TAF9B: variants seen among roughly 807,000 people sequenced by gnomAD.
TAF9B encodes the protein transcription initiation factor TFIID subunit 9B.
TAF9B carries 47 observed loss-of-function variants against 17.6 expected under a neutral mutation model. That is an observed-to-expected ratio of 2.68 (90% CI 2.12 to 3.41). The LOEUF is 3.41. Ranked by LOEUF, TAF9B falls within the 30% of genes most tolerant of loss-of-function variation. The pLI, the probability that TAF9B is intolerant of heterozygous loss-of-function variation, is 0.00. For missense variants in TAF9B, 218 were observed against 189.3 expected, an observed-to-expected ratio of 1.15 and a Z score of -0.89; for synonymous variants, 84 against 68.7, an observed-to-expected ratio of 1.22 and a Z score of -1.10.
chrX:78,138,240 T>C, intron 2 of TAF9B, 142 bp from the exon 3 acceptor site: 1 of 671,949 alleles, frequency 1.5e-6, no homozygotes, highest in Non-Finnish European at 2.2e-6. Flanking sequence ...CTCGCTATGT[T>C]GCCCAGGAAA....
chrX:78,137,818 T>G lies in TAF9B; in HGVS notation c.336A>C (p.Gly112=). 2.5e-6 allele frequency: 3 copies of G among 1,209,954 alleles called. No homozygotes were observed. Among genetic ancestry groups the G allele is most frequent in the Non-Finnish European group, 3.4e-6 (3 of 894,511 alleles). The part of the protein sequence containing the change: ...TPLPLIKPYA[G]PRLPPDRYCL... ...AGTATCTATCAGGTGGCAGTCTAGGTCCTGCATATGGCTTAATCAGTGGCA... is the reference window on the plus strand; with the variant it reads ...AGTATCTATCAGGTGGCAGTCTAGGGCCTGCATATGGCTTAATCAGTGGCA... The change falls in exon 4 of 7, where the codon GGA becomes GGC. Residue 112 remains glycine (G), a synonymous_variant. Coordinates refer to ENST00000341864, the MANE Select transcript of TAF9B (RefSeq NM_015975.5).
intron 5 of TAF9B, among the ~76,000 whole-genome samples, chrX:78,134,698 C>T (rs1457925614): frequency 8.9e-6 from 1 of 111,843 alleles, no homozygotes; most frequent in Non-Finnish European, 1.9e-5. Context: ...ATCTCCATCC[C>T]TAGGTAAGTT....
At position 78,129,807 on chromosome X, in the gene TAF9B, A is replaced by G. The variant is rs1186423358; in HGVS notation, c.*1803T>C. On this transcript the variant is annotated 3_prime_UTR_variant, in exon 7 of 7. Transcript: ENST00000341864. Reference sequence around the variant, plus strand: ...CAATAATTCCTTACAGTCATATAGCATTTTACAATTCTGAAAGAATTTTCA... The same window carrying G: ...CAATAATTCCTTACAGTCATATAGCGTTTTACAATTCTGAAAGAATTTTCA... 2 of 112,228 alleles carry G rather than the reference A, an allele frequency of 1.8e-5. No homozygotes were observed. Among genetic ancestry groups the G allele is most frequent in the African/African-American group, 6.5e-5 (2 of 30,797 alleles). 9.2% of individuals were successfully genotyped at this position (112,228 alleles called of 1,213,427 possible).
chrX:78,131,420 T>C lies in TAF9B; in HGVS notation c.*190A>G, dbSNP rs1284049866. ...ATTAAGAAACAAGTACTTAACTGTT[T>C]GTAATTGAAGCCTACTGAAAAACAC... is the stretch of plus-strand genomic sequence containing the variant. On this transcript the variant is annotated 3_prime_UTR_variant, in exon 7 of 7. Coordinates refer to ENST00000341864, the MANE Select transcript of TAF9B (RefSeq NM_015975.5). 2.9e-6 allele frequency: 1 copy of C among 346,609 alleles called. No homozygotes were observed. The highest frequency in any genetic ancestry group is 5.0e-6 in the Non-Finnish European group (1 of 201,042). The allele number at this position is 346,609 out of a possible 1,213,427, so 28.6% of individuals were successfully genotyped here. A position where few individuals can be genotyped will look rare whatever the true frequency, so the allele number is the denominator to read the frequency against.
Position 78,133,541 on chromosome X carries a change from G to A in TAF9B, c.482-93C>T, listed in dbSNP as rs2078423011. 18 of 614,981 alleles carry A rather than the reference G, an allele frequency of 2.9e-5. No individual in the cohort carries two copies. The East Asian group carries it at 3.1e-4, about 11-fold the overall frequency. The allele number at this position is 614,981 out of a possible 1,213,427, so 50.7% of individuals were successfully genotyped here. A position where few individuals can be genotyped will look rare whatever the true frequency, so the allele number is the denominator to read the frequency against. On this transcript the variant is annotated intron_variant, in intron 5 of 6. Transcript: ENST00000341864. ...TACCGCAAACTATCTTCAAAGCAAA[G>A]GAAACTAATAAAAGGTGAGGAAAAA...
chrX:78,139,478 C>T (rs1557250490), intron 1 of TAF9B, 83 bp downstream of exon 1: 1 of 1,174,003 alleles, frequency 8.5e-7, no homozygotes, highest in South Asian at 1.9e-5. Flanking sequence ...GCGAGCCGAC[C>T]CTCAGGCCCT....
chrX:78,136,933 G>A lies in TAF9B; in HGVS notation c.463C>T (p.Pro155Ser), dbSNP rs782262102. Residue 155 changes from proline to serine, a missense_variant, in exon 5 of 7, where the codon CCT becomes TCT. By Grantham distance (74) the Pro-to-Ser change is moderately conservative. Transcript: ENST00000341864. Reference sequence around the variant, plus strand: ...CACTTACCTATAGTAGGAGTAGTAGGTTTGCTACTAACAGCACCAACACTT... The same window carrying A: ...CACTTACCTATAGTAGGAGTAGTAGATTTGCTACTAACAGCACCAACACTT... The part of the protein sequence containing the change: ...RLSVGAVSSK[P>S]TTPTIATPQT... 2.7e-5 allele frequency: 32 copies of A among 1,203,177 alleles called. No homozygotes were observed. The highest frequency in any genetic ancestry group is 3.6e-5 in the Non-Finnish European group (32 of 889,573).
chrX:78,131,783 G>C lies in TAF9B; in HGVS notation c.593-10C>G, dbSNP rs372632113. ...GCAGTTGTTGCAGGAACTGTAAACA[G>C]AGAAGAAAGCCCCCCCAAAACCAAG... On this transcript the variant is annotated splice_polypyrimidine_tract_variant and intron_variant, in intron 6 of 6. Coordinates refer to ENST00000341864, the MANE Select transcript of TAF9B (RefSeq NM_015975.5). 8.4e-7 allele frequency: 1 copy of C among 1,196,257 alleles called. No individual in the cohort carries two copies. Among genetic ancestry groups the C allele is most frequent in the Non-Finnish European group, 1.1e-6 (1 of 888,032 alleles).
In TAF9B at chrX:78,130,155, TTC is replaced by T. The variant is rs1444101475; in HGVS notation, c.*1453_*1454del. 1.8e-5 allele frequency: 2 copies of T among 112,763 alleles called. No homozygotes were observed. Among genetic ancestry groups the T allele is most frequent in the African/African-American group, 6.5e-5 (2 of 30,960 alleles). The allele number at this position is 112,763 out of a possible 1,213,427, so 9.3% of individuals were successfully genotyped here. A position where few individuals can be genotyped will look rare whatever the true frequency, so the allele number is the denominator to read the frequency against. ...TGATACGAGACATTTGAGACATTTCTTCTCTGTTACTGGACTTTCTTAGATAT... is the reference window on the plus strand; with the variant it reads ...TGATACGAGACATTTGAGACATTTCTTCTGTTACTGGACTTTCTTAGATAT... On this transcript the variant is annotated 3_prime_UTR_variant, in exon 7 of 7. Coordinates refer to ENST00000341864, the MANE Select transcript of TAF9B (RefSeq NM_015975.5).
At position 78,133,355 on chromosome X, in the gene TAF9B, G is replaced by T. The variant is rs1557249720; in HGVS notation, c.575C>A (p.Ser192Tyr). The T allele has an allele frequency of 7.4e-6, 9 of 1,208,913 alleles. No homozygotes were observed. The highest frequency in any genetic ancestry group is 5.9e-5 in the East Asian group (2 of 33,816). The change falls in exon 6 of 7, where the codon TCC becomes TAC. Residue 192 changes from serine (S) to tyrosine (Y), a missense_variant. Coordinates refer to ENST00000341864, the MANE Select transcript of TAF9B (RefSeq NM_015975.5). ...RFTVQIPPSQ[S>Y]TPVKPVPATT... ...CACATTACCTGGTTTGACAGGTGTG[G>T]ACTGAGAAGGTGGAATCTGCACCGT...
chrX:78,136,901 C>T lies in TAF9B; in HGVS notation c.481+14G>A. 8.5e-7 allele frequency: 1 copy of T among 1,173,265 alleles called. No individual in the cohort carries two copies. Among genetic ancestry groups the T allele is most frequent in the Non-Finnish European group, 1.2e-6 (1 of 862,662 alleles). ...CTTTACCAGCCAGAAATGCCATTGT[C>T]TCCTCTCACTTACCTATAGTAGGAG... is the stretch of plus-strand genomic sequence containing the variant. On this transcript the variant is annotated intron_variant, in intron 5 of 6. Coordinates refer to ENST00000341864, the MANE Select transcript of TAF9B (RefSeq NM_015975.5).
chrX:78,133,219 G>A, intron 6 of TAF9B, 119 bp downstream of exon 6: 1 of 553,632 alleles, frequency 1.8e-6, no homozygotes, highest in Non-Finnish European at 3.0e-6. Flanking sequence ...CTCATTTGCA[G>A]CATTACTGCC....
intron 6 of TAF9B, among the ~76,000 whole-genome samples, chrX:78,132,996 ATGT>A (rs1179974089): frequency 1.8e-5 from 2 of 111,918 alleles, no homozygotes; most frequent in Admixed American, 9.5e-5. Context: ...TTATTACAGT[ATGT>A]TGTTGTAATT....
chrX:78,139,110 CTTTTAT>C (rs1218686874), intron 1 of TAF9B, among the ~76,000 whole-genome samples, 186 bp from the exon 2 acceptor site: 1 of 110,965 alleles, frequency 9.0e-6, no homozygotes, highest in Non-Finnish European at 1.9e-5. Context: ...TTGCAGAAAA[CTTTTAT>C]TTTTATTTTT....
At position 78,137,852 on chromosome X, in the gene TAF9B, T is replaced by C. The variant is rs1557250220; in HGVS notation, c.302A>G (p.Gln101Arg). The change falls in exon 4 of 7, where the codon CAA (glutamine) becomes CGA (arginine). Residue 101 changes from glutamine (Q) to arginine (R), a missense_variant. Coordinates refer to ENST00000341864, the MANE Select transcript of TAF9B (RefSeq NM_015975.5). Reference sequence around the variant, plus strand: ...TGGCTTAATCAGTGGCAAAGGGGTTTGATTTTTCTGCCTTGCGATATCCAG... The same window carrying C: ...TGGCTTAATCAGTGGCAAAGGGGTTCGATTTTTCTGCCTTGCGATATCCAG... ...FLLDIARQKN[Q>R]TPLPLIKPYA... is the part of the protein sequence containing the mutation. The C allele has an allele frequency of 8.3e-7, 1 of 1,208,935 alleles. No individual in the cohort carries two copies.
chrX:78,134,960 T>G (rs2078428531), intron 5 of TAF9B, among the ~76,000 whole-genome samples: 1 of 106,363 alleles, frequency 9.4e-6, no homozygotes, highest in African/African-American at 3.4e-5. Context: ...TTTTAATTTT[T>G]TTTTTTTTTT....
chrX:78,134,743 G>C (rs1259856135), intron 5 of TAF9B, among the ~76,000 whole-genome samples: 2 of 111,649 alleles, frequency 1.8e-5, no homozygotes, highest in Admixed American at 1.9e-4. Context: ...AAAGAATTTG[G>C]TGAAGCGTAA....
chrX:78,137,960 A>C lies in TAF9B; in HGVS notation c.270+2T>G. On this transcript the variant is annotated splice_donor_variant, in intron 3 of 6. Coordinates refer to ENST00000341864, the MANE Select transcript of TAF9B (RefSeq NM_015975.5). LOFTEE classifies it high-confidence loss of function. ...AATAACTTCAAATCAAAGTTTGCTC[A>C]CATCTCTTGGGGGAGGAGAGGTAAA... 1.7e-6 allele frequency: 2 copies of C among 1,205,673 alleles called. No individual in the cohort carries two copies. The highest frequency in any genetic ancestry group is 1.1e-6 in the Non-Finnish European group (1 of 893,630).
intron 6 of TAF9B, among the ~76,000 whole-genome samples, 172 bp downstream of exon 6, chrX:78,133,166 T>G (rs2078420873): frequency 8.9e-6 from 1 of 111,906 alleles, no homozygotes; most frequent in Non-Finnish European, 1.9e-5. Flanking sequence ...TTATGTAAAA[T>G]TTCACAGAAT....
Sources: allele counts gnomAD v4.1 joint callset (sites outside exome capture counted in the v4.1 genomes callset), GRCh38; gene constraint gnomAD v4.1.1; transcripts MANE v1.5; gene names NCBI Gene and HGNC (gene_info 2026-07-23, HGNC 2026-07-21).